The following TSPEAR variants were observed in gnomAD, a reference collection of about 807,000 sequenced individuals.
TSPEAR encodes the protein thrombospondin type laminin G domain and EAR repeats.
In TSPEAR, 69 loss-of-function variants were observed where a neutral mutation model predicts 71.6. That is an observed-to-expected ratio of 0.96 (90% confidence interval 0.79 to 1.18). The LOEUF is 1.18. TSPEAR is among the 50% of genes most tolerant of loss of function. The pLI, the probability that TSPEAR is intolerant of heterozygous loss-of-function variation, is 0.00. For missense variants in TSPEAR, 971 were observed against 894.9 expected (o/e 1.09, Z -1.09); for synonymous variants, 402 against 387.2 (o/e 1.04, Z -0.45).
In TSPEAR at chr21:44,499,376, G is replaced by A. The variant is rs2051983199; in HGVS notation, c.*407C>T. ...AATAGGTGGCGGCAATGGCGGGACG[G>A]CACCACACCTGCTCAGGCGGCCGGA... On this transcript the variant is annotated 3_prime_UTR_variant, in exon 12 of 12. Coordinates refer to ENST00000323084, the MANE Select transcript of TSPEAR (RefSeq NM_144991.3). 2 of 186,156 alleles carry A rather than the reference G, an allele frequency of 1.1e-5. No individual in the cohort carries two copies. Among genetic ancestry groups the A allele is most frequent in the Non-Finnish European group, 2.2e-5 (2 of 89,622 alleles). 11.5% of individuals were successfully genotyped at this position (186,156 alleles called of 1,614,324 possible).
chr21:44,697,392 G>T (rs200968568), intron 1 of TSPEAR: 1 of 1,607,408 alleles, frequency 6.2e-7, no homozygotes, highest in African/African-American at 1.4e-5. Flanking sequence ...CCCTGCTGCC[G>T]AGTGACCTGT....
intron 2 of TSPEAR, among the ~76,000 whole-genome samples, chr21:44,541,026 C>T (rs1373075792): frequency 6.6e-6 from 1 of 151,522 alleles, no homozygotes; most frequent in Non-Finnish European, 1.5e-5. Context: ...TCCCTCCTGC[C>T]TTGGCCAAAG....
intron 1 of TSPEAR, among the ~76,000 whole-genome samples, chr21:44,577,957 T>A (rs1978570256): frequency 6.6e-6 from 1 of 152,210 alleles, no homozygotes; most frequent in African/African-American, 2.4e-5. Context: ...TGTGCTGTTC[T>A]CATGATAGTA....
rs1286885719 is a variant in TSPEAR at position 44,628,245 on chromosome 21, C to T, written c.83-60240G>A. 1.2e-5 allele frequency: 7 copies of T among 586,102 alleles called. No homozygotes were observed. The African/African-American group carries it at 1.5e-4, about 12-fold the overall frequency. The allele number at this position is 586,102 out of a possible 1,614,324, so 36.3% of individuals were successfully genotyped here. A position where few individuals can be genotyped will look rare whatever the true frequency, so the allele number is the denominator to read the frequency against. ...CCGGGCAGGCGAGCCCTGGCTTCTCCTCACGGTGCTTCCTGGCTGCAGACC... is the reference window on the plus strand; with the variant it reads ...CCGGGCAGGCGAGCCCTGGCTTCTCTTCACGGTGCTTCCTGGCTGCAGACC... On this transcript the variant is annotated intron_variant, in intron 1 of 11. Coordinates refer to ENST00000323084, the MANE Select transcript of TSPEAR (RefSeq NM_144991.3).
chr21:44,572,121 C>T (rs782402455), intron 1 of TSPEAR, among the ~76,000 whole-genome samples: 26 of 152,364 alleles, frequency 1.7e-4, no homozygotes, highest in East Asian at 9.7e-4. Flanking sequence ...TCCCCCAACG[C>T]GATGCCCACT....
At chr21:44,646,363 A>C in intron 1 of TSPEAR, 1 of 1,499,308 alleles carries the variant, frequency 6.7e-7, no homozygotes, top group Admixed American at 2.2e-5. Flanking sequence ...GAGGGATTTA[A>C]AAGCCCCACA....
chr21:44,678,053 C>A (rs759421622), intron 1 of TSPEAR: 2 of 713,300 alleles, frequency 2.8e-6, no homozygotes, highest in Admixed American at 4.2e-5. Flanking sequence ...TGGGCCACAG[C>A]GGTCACACTC....
intron 1 of TSPEAR, chr21:44,592,020 G>A: frequency 6.2e-7 from 1 of 1,605,016 alleles, no homozygotes; most frequent in East Asian, 2.3e-5. Context: ...CGGGCACACA[G>A]CAGGCCTGCT....
intron 10 of TSPEAR, among the ~76,000 whole-genome samples, chr21:44,507,650 T>A (rs915642375): frequency 6.6e-6 from 1 of 152,254 alleles, no homozygotes; most frequent in African/African-American, 2.4e-5. Flanking sequence ...AGCTTTCAAA[T>A]CCCGAGGCGT....
rs782074595 is a variant in TSPEAR at position 44,627,636 on chromosome 21, C to A, written c.83-59631G>T. The A allele has an allele frequency of 3.7e-6, 6 of 1,613,382 alleles. No homozygotes were observed. In the East Asian group the frequency reaches 1.1e-4, roughly 30 times the overall value. On this transcript the variant is annotated intron_variant, in intron 1 of 11. Coordinates refer to ENST00000323084, the MANE Select transcript of TSPEAR (RefSeq NM_144991.3). ...AACCTGTGTGCTGTGCGCCCACCTGCTCTGAGGATTCCTATTCATGCTGCC... is the reference window on the plus strand; with the variant it reads ...AACCTGTGTGCTGTGCGCCCACCTGATCTGAGGATTCCTATTCATGCTGCC...
chr21:44,678,167 A>G, intron 1 of TSPEAR: 1 of 510,478 alleles, frequency 2.0e-6, no homozygotes. Context: ...TACATATGTC[A>G]AGGATGCCTA....
intron 1 of TSPEAR, among the ~76,000 whole-genome samples, chr21:44,701,311 T>G (rs539828013): frequency 6.6e-6 from 1 of 152,282 alleles, no homozygotes; most frequent in African/African-American, 2.4e-5. Context: ...TTCTTGCTGA[T>G]TTACAGTCAT....
intron 1 of TSPEAR, chr21:44,574,297 G>A (rs1555923309): frequency 6.2e-7 from 1 of 1,606,752 alleles, no homozygotes; most frequent in Admixed American, 1.7e-5. Flanking sequence ...AGCTGTGTGA[G>A]CTGTGTGTCC....
Position 44,685,885 on chromosome 21 carries a change from A to G in TSPEAR, c.82+25548T>C, listed in dbSNP as rs181602398. 5.5e-4 allele frequency among the ~76,000 whole-genome samples: 84 copies of G among 152,352 alleles called. 2 individuals are homozygous for G. In the South Asian group the frequency reaches 0.014, roughly 26 times the overall value. On this transcript the variant is annotated intron_variant, in intron 1 of 11. Coordinates refer to ENST00000323084, the MANE Select transcript of TSPEAR (RefSeq NM_144991.3). ...TTGCACATCTGTAAAATGGGGTATCAGCCACCCCGAATGCTGGCAAAGATC... is the reference window on the plus strand; with the variant it reads ...TTGCACATCTGTAAAATGGGGTATCGGCCACCCCGAATGCTGGCAAAGATC...
At chr21:44,624,874 A>G (rs1483146807) in intron 1 of TSPEAR, among the ~76,000 whole-genome samples, 1 of 152,200 alleles carries the variant, frequency 6.6e-6, no homozygotes, top group African/African-American at 2.4e-5. Flanking sequence ...TCCCTCTAAT[A>G]GGGATTCACT....
intron 2 of TSPEAR, among the ~76,000 whole-genome samples, chr21:44,567,506 C>A (rs233327): frequency 6.6e-6 from 1 of 152,114 alleles, no homozygotes; most frequent in African/African-American, 2.4e-5. Flanking sequence ...TTATTGTTAG[C>A]GCTTCCTGCC....
Position 44,522,039 on chromosome 21 carries a change from G to A in TSPEAR, c.1410C>T (p.Thr470=), listed in dbSNP as rs782778054. The A allele has an allele frequency of 1.4e-5, 22 of 1,614,054 alleles. No individual in the cohort carries two copies. Among genetic ancestry groups the A allele is most frequent in the Admixed American group, 5.0e-5 (3 of 60,014 alleles). Residue 470 remains threonine (T), a synonymous_variant, in exon 9 of 12, where the codon ACC becomes ACT. Transcript: ENST00000323084. ...PATRLFEANQ[T]IATSGAYDWE... ...AGTCGTAGGCGCCGGAGGTGGCGAT[G>A]GTCTGGTTGGCCTCGAAGAGCCGGG...
At chr21:44,709,821 C>A (rs953047463) in intron 1 of TSPEAR, among the ~76,000 whole-genome samples, 1 of 152,382 alleles carries the variant, frequency 6.6e-6, no homozygotes, top group Non-Finnish European at 1.5e-5. Flanking sequence ...TTCTACAGAA[C>A]GATCTGAAGC....
At chr21:44,539,003 T>G in intron 2 of TSPEAR, 1 of 552,424 alleles carries the variant, frequency 1.8e-6, no homozygotes, top group Non-Finnish European at 3.2e-6. Flanking sequence ...GGAGAGTTTA[T>G]TGGGGAGCAG....
Sources: allele counts gnomAD v4.1 joint callset (sites outside exome capture counted in the v4.1 genomes callset), GRCh38; gene constraint gnomAD v4.1.1; transcripts MANE v1.5; gene names NCBI Gene and HGNC (gene_info 2026-07-23, HGNC 2026-07-21).